The following FOXRED2 variants were observed in gnomAD, a reference collection of about 807,000 sequenced individuals.
FOXRED2 encodes FAD dependent oxidoreductase domain containing 2, also known as FAD-dependent oxidoreductase domain-containing protein 2.
A neutral mutation model predicts 52.5 loss-of-function variants in FOXRED2; 32 were observed. The observed-to-expected ratio is 0.61, with a 90% CI of 0.46 to 0.82. The LOEUF (loss-of-function observed/expected upper bound fraction) is 0.82. FOXRED2 is among the 40% of genes least tolerant of loss of function. FOXRED2 has a pLI of 0.00. For synonymous variants in FOXRED2, 405 were observed against 398.1 expected, an observed-to-expected ratio of 1.02 and a Z score of -0.21; for missense variants, 848 against 937.5, an observed-to-expected ratio of 0.90 and a Z score of 1.25.
In FOXRED2 at chr22:36,493,666, A is replaced by G. The variant is rs748396057; in HGVS notation, c.1762T>C (p.Cys588Arg). The change falls in exon 8 of 9, where the codon TGT becomes CGT. Residue 588 changes from cysteine to arginine, a missense_variant. Cys to Arg is a radical substitution (Grantham distance 180, BLOSUM62 -3). Coordinates refer to ENST00000397224, the MANE Select transcript of FOXRED2 (RefSeq NM_001102371.2). The stretch of plus-strand genomic sequence containing the variant: ...AAGCTTCGCAAATCGGTGTCCAAAC[A>G]GTTCTCCAGGAAGCGCCTCAGAGGT... ...ILPLRRFLEN[C>R]LDTDLRSFYA... The G allele has an allele frequency of 1.9e-6, 3 of 1,614,228 alleles. No individual in the cohort carries two copies. The highest frequency in any genetic ancestry group is 1.7e-6 in the Non-Finnish European group (2 of 1,180,016).
Position 36,501,406 on chromosome 22 carries a change from A to G in FOXRED2, c.1051T>C (p.Ser351Pro). The stretch of plus-strand genomic sequence containing the variant: ...GCATTTCCCGAGTTAAGTCTGAGGG[A>G]CCTGTCAGTGGAAAGGGCTGTTCAT... ...WNFDFSIFNK[S>P]LRLNSGNAFG... The change falls in exon 5 of 9, where the codon TCC (serine) becomes CCC (proline). Residue 351 changes from serine to proline, a missense_variant and splice_region_variant. Transcript: ENST00000397224. 1 of 1,613,998 alleles carries G rather than the reference A, an allele frequency of 6.2e-7. No individual in the cohort carries two copies. Among genetic ancestry groups the G allele is most frequent in the Middle Eastern group, 1.7e-4 (1 of 6,060 alleles).
intron 4 of FOXRED2, among the ~76,000 whole-genome samples, chr22:36,502,847 C>G (rs949665334): frequency 6.6e-6 from 1 of 152,154 alleles, no homozygotes; most frequent in Non-Finnish European, 1.5e-5. Context: ...CACGTGCCAC[C>G]ATGCCTGGCT....
In FOXRED2 at chr22:36,494,571, C is replaced by T. The variant is rs141873955; in HGVS notation, c.1625-768G>A. Among the ~76,000 whole-genome samples, 30 of 152,344 alleles carry T rather than the reference C, an allele frequency of 2.0e-4. No individual in the cohort carries two copies. In the East Asian group the frequency reaches 2.7e-3, roughly 14 times the overall value. ...GGCCATCGAGTCAAGACTTGGCCGT[C>T]GCTATTCTGGGAAACCTGAATTTGG... On this transcript the variant is annotated intron_variant, in intron 7 of 8. Transcript: ENST00000397224.
chr22:36,502,671 C>A (rs1934087488), intron 4 of FOXRED2, among the ~76,000 whole-genome samples: 1 of 151,778 alleles, frequency 6.6e-6, no homozygotes, highest in African/African-American at 2.4e-5. Context: ...TCTCCCCTCT[C>A]TCTCCTTCCT....
Position 36,498,094 on chromosome 22 carries a change from G to A in FOXRED2, c.1279C>T (p.Leu427Phe). 6.2e-7 allele frequency: 1 copy of A among 1,613,870 alleles called. No individual in the cohort carries two copies. The highest frequency in any genetic ancestry group is 8.5e-7 in the Non-Finnish European group (1 of 1,180,034). Residue 427 changes from leucine (L) to phenylalanine (F), a missense_variant, in exon 6 of 9, where the codon CTC (leucine) becomes TTC (phenylalanine). Physicochemically the swap from Leu to Phe is conservative, Grantham distance 22. Coordinates refer to ENST00000397224, the MANE Select transcript of FOXRED2 (RefSeq NM_001102371.2). ...HHSVTWPATE[L>F]PITQLTSSIV... Reference sequence around the variant, plus strand: ...GAGCTGGTCAGCTGTGTGATGGGGAGCTCAGTGGCGGGCCAGGTGACGCTG... The same window carrying A: ...GAGCTGGTCAGCTGTGTGATGGGGAACTCAGTGGCGGGCCAGGTGACGCTG...
At chr22:36,502,533 T>C (rs1934082640) in intron 4 of FOXRED2, among the ~76,000 whole-genome samples, 1 of 152,052 alleles carries the variant, frequency 6.6e-6, no homozygotes, top group African/African-American at 2.4e-5. Context: ...GCAGCAGCTA[T>C]TCACAGGCAT....
chr22:36,490,237 T>C lies in FOXRED2; in HGVS notation c.1826A>G (p.Gln609Arg), dbSNP rs918449270. The C allele has an allele frequency of 6.2e-7, 1 of 1,612,318 alleles. No individual in the cohort carries two copies. Among genetic ancestry groups the C allele is most frequent in the Non-Finnish European group, 8.5e-7 (1 of 1,178,898 alleles). ...ESCFLFALTRQKLPPFCQQGY... is the reference protein window; with the variant it reads ...ESCFLFALTRRKLPPFCQQGY... ...CTGCTGGCAAAAGGGTGGCAACTTC[T>C]GGCGCGTGAGGGCGAACAGGAAGCA... The change falls in exon 9 of 9, where the codon CAG becomes CGG. Residue 609 changes from glutamine to arginine, a missense_variant. By Grantham distance (43) the Gln-to-Arg change is conservative. Coordinates refer to ENST00000397224, the MANE Select transcript of FOXRED2 (RefSeq NM_001102371.2).
Position 36,489,712 on chromosome 22 carries a change from T to G in FOXRED2, c.*296A>C. 3.1e-6 allele frequency: 1 copy of G among 320,964 alleles called. No homozygotes were observed. 19.9% of individuals were successfully genotyped at this position (320,964 alleles called of 1,614,324 possible). On this transcript the variant is annotated 3_prime_UTR_variant, in exon 9 of 9. Transcript: ENST00000397224. ...AGGAGCACTTGAGACGGGGCAGAAC[T>G]GGGCTGGCCTGGGGCTCAGCGACAG... is the stretch of plus-strand genomic sequence containing the variant.
Position 36,498,230 on chromosome 22 carries a change from G to A in FOXRED2, c.1217-74C>T, listed in dbSNP as rs1933955842. Reference sequence around the variant, plus strand: ...TCTGGTCACTGGGAGGGATGCCCAGGCCTCATTGACCCCTGAGAACGCCAT... The same window carrying A: ...TCTGGTCACTGGGAGGGATGCCCAGACCTCATTGACCCCTGAGAACGCCAT... On this transcript the variant is annotated intron_variant, in intron 5 of 8. Coordinates refer to ENST00000397224, the MANE Select transcript of FOXRED2 (RefSeq NM_001102371.2). The A allele has an allele frequency of 2.0e-6, 3 of 1,522,942 alleles. No individual in the cohort carries two copies. In the South Asian group the frequency reaches 3.7e-5, roughly 19 times the overall value. The allele number at this position is 1,522,942 out of a possible 1,614,324, so 94.3% of individuals were successfully genotyped here.
At chr22:36,506,764 C>A (rs926216132) in intron 1 of FOXRED2, 3 of 242,048 alleles carry the variant, frequency 1.2e-5, no homozygotes, top group Non-Finnish European at 2.4e-5. Context: ...TTTGAACCAC[C>A]CTCCAGGTTG....
chr22:36,498,188 G>T (rs143046777), intron 5 of FOXRED2, 32 bp from the exon 6 acceptor site: 92 of 1,589,034 alleles, frequency 5.8e-5, no homozygotes, highest in Non-Finnish European at 7.4e-5. Flanking sequence ...ACGGCACGCT[G>T]CACTTACCAT....
Position 36,506,276 on chromosome 22 carries a change from C to A in FOXRED2, c.147G>T (p.Leu49=). ...GPAGLQMAYF[L]QRAGRDYAVF... is the part of the protein sequence containing the mutation. ...CTGCGTAGTCGCGTCCAGCGCGCTG[C>A]AGGAAGTAGGCCATCTGCAGGCCCG... Residue 49 remains leucine, a synonymous_variant, in exon 2 of 9, where the codon CTG becomes CTT. Transcript: ENST00000397224. 2 of 1,603,348 alleles carry A rather than the reference C, an allele frequency of 1.2e-6. No homozygotes were observed.
chr22:36,493,648 G>A lies in FOXRED2; in HGVS notation c.1780C>T (p.Arg594Ter), dbSNP rs1286193189. 3.7e-6 allele frequency: 6 copies of A among 1,613,988 alleles called. No homozygotes were observed. Among genetic ancestry groups the A allele is most frequent in the African/African-American group, 1.3e-5 (1 of 75,044 alleles). The change falls in exon 8 of 9, where the codon CGA (arginine) becomes TGA (stop). Residue 594 changes from arginine (R) to a stop codon, truncating the protein, a stop_gained. Transcript: ENST00000397224. LOFTEE classifies it low-confidence loss of function (END_TRUNC). ...FLENCLDTDL[R>*]SFYAESCFLF... ...CTTAAGTTACCTGCATAGAAGCTTC[G>A]CAAATCGGTGTCCAAACAGTTCTCC...
chr22:36,500,230 T>TGAGAAAATCACCA (rs1192455235), intron 5 of FOXRED2, among the ~76,000 whole-genome samples: 2 of 152,114 alleles, frequency 1.3e-5, no homozygotes, highest in African/African-American at 4.8e-5. Flanking sequence ...CCCATAATGG[T>TGAGAAAATCACCA]GAGAAAATCA....
chr22:36,504,361 G>A lies in FOXRED2; in HGVS notation c.786C>T (p.Ile262=). The change falls in exon 4 of 9, where the codon ATC becomes ATT. Residue 262 remains isoleucine, a synonymous_variant. Coordinates refer to ENST00000397224, the MANE Select transcript of FOXRED2 (RefSeq NM_001102371.2). Reference sequence around the variant, plus strand: ...GGTAGGTATCCAGCAGGCCATTGTTGATGGCTCTGAGCCCACAGAGAATGC... The same window carrying A: ...GGTAGGTATCCAGCAGGCCATTGTTAATGGCTCTGAGCCCACAGAGAATGC... ...ATHYVGDLRA[I]NNGLLDTYQL... 6.2e-7 allele frequency: 1 copy of A among 1,613,968 alleles called. No individual in the cohort carries two copies. Among genetic ancestry groups the A allele is most frequent in the Non-Finnish European group, 8.5e-7 (1 of 1,179,906 alleles).
rs61730824 is a variant in FOXRED2 at position 36,504,727 on chromosome 22, C to A, written c.567G>T (p.Gln189His). Residue 189 changes from glutamine to histidine, a missense_variant, in exon 3 of 9, where the codon CAG becomes CAT. Coordinates refer to ENST00000397224, the MANE Select transcript of FOXRED2 (RefSeq NM_001102371.2). ...FVATGLSVPNQVDFPGSEYAE... is the reference protein window; with the variant it reads ...FVATGLSVPNHVDFPGSEYAE... ...CATATTCGGAGCCAGGGAAGTCAAC[C>A]TGGTTGGGGACTGATAAACCAGTGG... 8.8e-4 allele frequency: 1,423 copies of A among 1,614,130 alleles called. 6 individuals carry two copies. The African/African-American group carries it at 0.015, about 17-fold the overall frequency.
chr22:36,492,845 C>T (rs1933791827), intron 8 of FOXRED2, among the ~76,000 whole-genome samples: 2 of 152,222 alleles, frequency 1.3e-5, no homozygotes, highest in African/African-American at 4.8e-5. Flanking sequence ...AGAAGGTGTG[C>T]ATTTGCTTCT....
At chr22:36,492,470 A>T (rs998379307) in intron 8 of FOXRED2, among the ~76,000 whole-genome samples, 1 of 152,212 alleles carries the variant, frequency 6.6e-6, no homozygotes, top group Non-Finnish European at 1.5e-5. Context: ...GGTGGGACCC[A>T]CAACTCAGGG....
rs192108820 is a variant in FOXRED2, at chr22:36,506,659, C to T, written c.-1-236G>A. On this transcript the variant is annotated intron_variant, in intron 1 of 8. Transcript: ENST00000397224. The stretch of plus-strand genomic sequence containing the variant: ...CCCTCAGGGTCTCCTTCCTCAGGGG[C>T]ACCGGCTCCCCGCTTATGATTGTAG... 2.0e-4 allele frequency: 90 copies of T among 454,936 alleles called. No individual in the cohort carries two copies. The East Asian group carries it at 2.9e-3, about 14-fold the overall frequency. The allele number at this position is 454,936 out of a possible 1,614,324, so 28.2% of individuals were successfully genotyped here. A position where few individuals can be genotyped will look rare whatever the true frequency, so the allele number is the denominator to read the frequency against.
Sources: allele counts gnomAD v4.1 joint callset (sites outside exome capture counted in the v4.1 genomes callset), GRCh38; gene constraint gnomAD v4.1.1; transcripts MANE v1.5; gene names NCBI Gene and HGNC (gene_info 2026-07-23, HGNC 2026-07-21).